The following THRB variants were observed in gnomAD, a reference collection of about 807,000 sequenced individuals.
The protein encoded by THRB is nuclear receptor subfamily 1 group A member 2.
Under a neutral mutation model 47.8 loss-of-function variants are expected in THRB, and 12 were observed. The ratio of observed to expected loss-of-function variants is 0.25; its 90% CI spans 0.16 to 0.41. The LOEUF (loss-of-function observed/expected upper bound fraction) is 0.41. Ranked by LOEUF, THRB falls within the 10% of genes least tolerant of loss-of-function variation. The pLI is 1.00. For synonymous variants in THRB, 218 were observed against 212.2 expected (o/e 1.03, Z -0.24); for missense variants, 348 against 589.2 (o/e 0.59, Z 4.24).
At chr3:24,380,122 CA>C (rs2065589971) in intron 1 of THRB, among the ~76,000 whole-genome samples, 1 of 148,126 alleles carries the variant, frequency 6.8e-6, no homozygotes, top group Non-Finnish European at 1.5e-5. Context: ...TCTGGAACAA[CA>C]GGTTTAAACT....
At chr3:24,492,087 A>G (rs1433323566) in intron 1 of THRB, among the ~76,000 whole-genome samples, 1 of 152,248 alleles carries the variant, frequency 6.6e-6, no homozygotes, top group African/African-American at 2.4e-5. Context: ...AGATCTTGGC[A>G]TGCCCAACTG....
chr3:24,334,383 G>T (rs2062106182), intron 2 of THRB, among the ~76,000 whole-genome samples: 1 of 151,930 alleles, frequency 6.6e-6, no homozygotes, highest in Non-Finnish European at 1.5e-5. Context: ...AGGAGCAAAG[G>T]ATTAAAAAAA....
intron 5 of THRB, among the ~76,000 whole-genome samples, chr3:24,173,942 TTC>T (rs1173447366): frequency 3.9e-5 from 6 of 152,196 alleles, no homozygotes; most frequent in African/African-American, 7.2e-5. Context: ...GTGTGTCAGA[TTC>T]TGTGTTGGGT....
intron 2 of THRB, among the ~76,000 whole-genome samples, chr3:24,308,990 C>T (rs1030008593): frequency 1.3e-5 from 2 of 152,132 alleles, no homozygotes; most frequent in Non-Finnish European, 2.9e-5. Flanking sequence ...GAACCTCTGC[C>T]CTTGGTGCTC....
At chr3:24,350,177 CACGTCCACCAG>C (rs1347158013) in intron 1 of THRB, among the ~76,000 whole-genome samples, 2 of 152,004 alleles carry the variant, frequency 1.3e-5, no homozygotes, top group African/African-American at 4.8e-5. Flanking sequence ...GATATCTATA[CACGTCCACCAG>C]AATGGCTAAA....
chr3:24,394,094 T>G (rs192460706), intron 1 of THRB, among the ~76,000 whole-genome samples: 9 of 152,246 alleles, frequency 5.9e-5, no homozygotes, highest in Non-Finnish European at 1.0e-4. Flanking sequence ...GTTAAACAAT[T>G]CACTGAAAAT....
Position 24,128,863 on chromosome 3 carries a change from C to CTTT in THRB, c.886-1109_886-1107dup, listed in dbSNP as rs57890674. On this transcript the variant is annotated intron_variant, in intron 9 of 10. Coordinates refer to ENST00000646209, the MANE Select transcript of THRB (RefSeq NM_001354712.2). ...GCCAAGAGAAGAAGGAAACATAACTCTTTTTTTTTTTTTTTTTTTTTTTTT... is the reference window on the plus strand; with the variant it reads ...GCCAAGAGAAGAAGGAAACATAACTCTTTTTTTTTTTTTTTTTTTTTTTTTTTT... Among the ~76,000 whole-genome samples, 121 of 87,046 alleles carry CTTT rather than the reference C, an allele frequency of 1.4e-3. 8 individuals carry two copies. The highest frequency in any genetic ancestry group is 0.011 in the South Asian group (24 of 2,232). The allele number at this position is 87,046 out of a possible 152,430, so 57.1% of individuals were successfully genotyped here.
intron 5 of THRB, among the ~76,000 whole-genome samples, chr3:24,164,797 A>G (rs2039411143): frequency 6.6e-6 from 1 of 152,210 alleles, no homozygotes. Context: ...TGCAAAATAC[A>G]GAAAGGCAAC....
At chr3:24,169,195 T>C (rs990515380) in intron 5 of THRB, among the ~76,000 whole-genome samples, 9 of 152,186 alleles carry the variant, frequency 5.9e-5, no homozygotes, top group Non-Finnish European at 1.0e-4. Context: ...ACGTCCCAGT[T>C]TCCCCTTTGT....
At chr3:24,268,170 A>C (rs1303337996) in intron 3 of THRB, among the ~76,000 whole-genome samples, 2 of 152,336 alleles carry the variant, frequency 1.3e-5, no homozygotes, top group South Asian at 2.1e-4. Flanking sequence ...AAAATGGAGG[A>C]ACTTAGGAAA....
At chr3:24,233,583 G>GAAAGA (rs2048510878) in intron 3 of THRB, among the ~76,000 whole-genome samples, 1 of 111,546 alleles carries the variant, frequency 9.0e-6, no homozygotes, top group East Asian at 2.3e-4. Flanking sequence ...AAGAAAGAAA[G>GAAAGA]AAAGAAAGAA....
intron 4 of THRB, among the ~76,000 whole-genome samples, chr3:24,193,733 G>C (rs1003271374): frequency 6.6e-6 from 1 of 152,200 alleles, no homozygotes; most frequent in Non-Finnish European, 1.5e-5. Context: ...AGAACTAAAA[G>C]TGGGTCTACC....
intron 2 of THRB, among the ~76,000 whole-genome samples, chr3:24,330,014 ATT>A (rs1275527691): frequency 6.6e-6 from 1 of 152,220 alleles, no homozygotes; most frequent in Non-Finnish European, 1.5e-5. Flanking sequence ...AAAAGTAAAG[ATT>A]TCATTTCGGC....
At chr3:24,380,083 G>T (rs1328831336) in intron 1 of THRB, among the ~76,000 whole-genome samples, 1 of 149,700 alleles carries the variant, frequency 6.7e-6, no homozygotes, top group Non-Finnish European at 1.5e-5. Flanking sequence ...GCAGCATTAA[G>T]AAGGAAATAG....
intron 1 of THRB, among the ~76,000 whole-genome samples, chr3:24,381,498 C>T (rs9852824): frequency 0.53 from 80,991 of 151,888 alleles, 22,496 homozygotes; most frequent in African/African-American, 0.69. Context: ...GAGAATAACT[C>T]CTTGGAAGGT....
chr3:24,196,641 T>C (rs933158582), intron 4 of THRB, among the ~76,000 whole-genome samples: 2 of 152,160 alleles, frequency 1.3e-5, no homozygotes, highest in Non-Finnish European at 2.9e-5. Context: ...ACTATATTAA[T>C]GGCTAAGAAC....
intron 1 of THRB, among the ~76,000 whole-genome samples, chr3:24,361,545 ATTG>A (rs1391356999): frequency 2.0e-5 from 3 of 152,130 alleles, no homozygotes; most frequent in African/African-American, 2.4e-5. Flanking sequence ...GCAGGGTACT[ATTG>A]TTATGAATTC....
intron 4 of THRB, among the ~76,000 whole-genome samples, chr3:24,216,618 AT>A (rs2046595159): frequency 6.6e-6 from 1 of 151,350 alleles, no homozygotes; most frequent in Non-Finnish European, 1.5e-5. Context: ...AAAAAAAAAA[AT>A]ATATGAATTG....
chr3:24,324,620 T>C (rs1488651884), intron 2 of THRB, among the ~76,000 whole-genome samples: 2 of 152,242 alleles, frequency 1.3e-5, no homozygotes, highest in Non-Finnish European at 2.9e-5. Context: ...TCTACTCTCT[T>C]TGAATTTTAA....
Sources: allele counts gnomAD v4.1 joint callset (sites outside exome capture counted in the v4.1 genomes callset), GRCh38; gene constraint gnomAD v4.1.1; transcripts MANE v1.5; gene names NCBI Gene and HGNC (gene_info 2026-07-23, HGNC 2026-07-21).